Variants in CUBN observed in about 807,000 individuals in gnomAD.
CUBN encodes cubilin, also known as 460 kDa receptor.
CUBN carries 282 observed loss-of-function variants against 405.3 expected under a neutral mutation model. That is an observed-to-expected ratio of 0.70 (90% CI 0.63 to 0.77). The LOEUF (loss-of-function observed/expected upper bound fraction) is 0.77. Among genes scored for constraint, CUBN ranks in the 30% least tolerant of loss-of-function variants. The probability of loss-of-function intolerance (pLI) is 0.00; values close to 1 mark genes in which losing one functional copy is unlikely to be tolerated. For synonymous variants in CUBN, 1,684 were observed against 1,617.0 expected (o/e 1.04, Z -0.99); for missense variants, 4,514 against 4,475.2 (o/e 1.01, Z -0.25).
chr10:16,842,401 A>G (rs1839381740), intron 60 of CUBN, among the ~76,000 whole-genome samples: 1 of 152,178 alleles, frequency 6.6e-6, no homozygotes. Flanking sequence ...TCTAATAAAT[A>G]AATAAACAAG....
Position 17,084,291 on chromosome 10 carries a change from T to C in CUBN, c.2281A>G (p.Ser761Gly), listed in dbSNP as rs1348191282. The C allele has an allele frequency of 1.2e-6, 2 of 1,614,126 alleles. No homozygotes were observed. Among genetic ancestry groups the C allele is most frequent in the East Asian group, 2.2e-5 (1 of 44,890 alleles). The change falls in exon 17 of 67, where the codon AGT becomes GGT. Residue 761 changes from serine (S) to glycine (G), a missense_variant. By Grantham distance (56) the Ser-to-Gly change is moderately conservative. Around this residue, in one of 5 missense-constraint regions of CUBN, gnomAD observed 1,448 missense variants for 1,388.0 expected, o/e 1.04. Transcript: ENST00000377833. ...THVELQCQSD[S>G]SQNYIEVRDG... ...GTTACCTCAATGTAATTCTGAGAAC[T>C]GTCACTCTGGCATTGCAGCTCCACG... is the stretch of plus-strand genomic sequence containing the variant.
intron 31 of CUBN, among the ~76,000 whole-genome samples, chr10:16,967,916 AG>A (rs1843446384): frequency 2.0e-5 from 3 of 148,788 alleles, no homozygotes; most frequent in African/African-American, 7.5e-5. Context: ...AGGGGGAAAG[AG>A]GAAGAGAGGG....
intron 8 of CUBN, 86 bp downstream of exon 8, chr10:17,113,941 C>T: frequency 7.6e-7 from 1 of 1,323,644 alleles, no homozygotes; most frequent in Admixed American, 1.9e-5. Context: ...GAATTGTCTT[C>T]TTACTCATCA....
intron 28 of CUBN, among the ~76,000 whole-genome samples, chr10:16,996,962 C>T (rs1833751177): frequency 6.6e-6 from 1 of 152,208 alleles, no homozygotes; most frequent in Non-Finnish European, 1.5e-5. Flanking sequence ...AGCCAAGGCA[C>T]AGTGAAAGAG....
At chr10:17,073,723 C>T (rs1001128747) in intron 17 of CUBN, among the ~76,000 whole-genome samples, 7 of 152,052 alleles carry the variant, frequency 4.6e-5, no homozygotes, top group South Asian at 2.1e-4. Context: ...TGGGATTACA[C>T]GCGTGAGCCA....
chr10:16,903,908 GA>G (rs892318412), intron 51 of CUBN, 57 bp downstream of exon 51: 24 of 911,930 alleles, frequency 2.6e-5, no homozygotes, highest in South Asian at 2.1e-4. Context: ...AATCTTTATG[GA>G]AAAAAATCAT....
chr10:16,851,370 A>G lies in CUBN; in HGVS notation c.9528T>C (p.Asn3176=). The part of the protein sequence containing the change: ...NTFASPDSDS[N]GMYDKNLNCV... ...AGTTTAAATTCTTGTCATACATTCC[A>G]TTCGAATCAGAATCAGGAGAGGCAA... Residue 3176 remains asparagine (N), a synonymous_variant, in exon 60 of 67, where the codon AAT becomes AAC. Coordinates refer to ENST00000377833, the MANE Select transcript of CUBN (RefSeq NM_001081.4). 6.2e-7 allele frequency: 1 copy of G among 1,614,154 alleles called. No individual in the cohort carries two copies. The highest frequency in any genetic ancestry group is 8.5e-7 in the Non-Finnish European group (1 of 1,180,014).
At chr10:17,069,144 T>C (rs1279722340) in intron 19 of CUBN, among the ~76,000 whole-genome samples, 1 of 152,232 alleles carries the variant, frequency 6.6e-6, no homozygotes. Flanking sequence ...TTTTAATGCC[T>C]TGTAATATTC....
Position 16,952,322 on chromosome 10 carries a change from A to C in CUBN, c.4923T>G (p.Tyr1641Ter). 6.2e-7 allele frequency: 1 copy of C among 1,613,982 alleles called. No individual in the cohort carries two copies. The highest frequency in any genetic ancestry group is 1.1e-5 in the South Asian group (1 of 91,084). ...TCCAGCTGCAGTTCTGATTGTTTGG[A>C]TAATTGGCAGGGAACCGTGGAGAGG... ...TVSSPRFPANYPNNQNCSWII... is the reference protein window; with the variant it reads ...TVSSPRFPAN Residue 1641 changes from tyrosine (Y) to a stop codon, truncating the protein, a stop_gained, in exon 33 of 67, where the codon TAT becomes TAG. Coordinates refer to ENST00000377833, the MANE Select transcript of CUBN (RefSeq NM_001081.4). LOFTEE classifies it high-confidence loss of function.
At chr10:16,924,780 T>C (rs917418302) in intron 43 of CUBN, among the ~76,000 whole-genome samples, 8 of 152,136 alleles carry the variant, frequency 5.3e-5, no homozygotes, top group African/African-American at 1.4e-4. Context: ...TATCATGTAA[T>C]ATATAATTAA....
intron 16 of CUBN, 51 bp downstream of exon 16, chr10:17,085,546 T>C (rs1346218804): frequency 1.3e-6 from 2 of 1,516,064 alleles, no homozygotes; most frequent in East Asian, 2.3e-5. Context: ...GATGTAAGCA[T>C]AGCATTGGCC....
At chr10:17,069,329 T>C (rs371956128) in intron 19 of CUBN, among the ~76,000 whole-genome samples, 1 of 152,214 alleles carries the variant, frequency 6.6e-6, no homozygotes, top group Non-Finnish European at 1.5e-5. Flanking sequence ...TATATTTTCA[T>C]TCCCCTTGAG....
intron 51 of CUBN, among the ~76,000 whole-genome samples, chr10:16,902,784 C>T (rs1162059328): frequency 6.6e-6 from 1 of 152,100 alleles, no homozygotes; most frequent in Non-Finnish European, 1.5e-5. Context: ...AGAGTGAAGT[C>T]TGAGAGGGTA....
At chr10:17,078,178 CATATAGAAT>C (rs1262147005) in intron 17 of CUBN, among the ~76,000 whole-genome samples, 1 of 152,152 alleles carries the variant, frequency 6.6e-6, no homozygotes, top group Non-Finnish European at 1.5e-5. Context: ...TTTGTCCTTG[CATATAGAAT>C]ATAACCCAGG....
chr10:17,081,849 C>T (rs562676270), intron 17 of CUBN, among the ~76,000 whole-genome samples: 78 of 152,098 alleles, frequency 5.1e-4, no homozygotes, highest in Admixed American at 2.2e-3. Flanking sequence ...CTTGCTGATG[C>T]CAAAATTCTA....
At chr10:16,837,305 G>T (rs1337629033) in intron 62 of CUBN, among the ~76,000 whole-genome samples, 3 of 151,864 alleles carry the variant, frequency 2.0e-5, no homozygotes, top group African/African-American at 7.3e-5. Context: ...AAGGGTGGGG[G>T]GCCAGCCTCG....
At chr10:16,912,438 A>C (rs1296464816) in intron 48 of CUBN, among the ~76,000 whole-genome samples, 1 of 152,192 alleles carries the variant, frequency 6.6e-6, no homozygotes, top group Non-Finnish European at 1.5e-5. Flanking sequence ...CTCACATTCT[A>C]GTGGGGGAAG....
At chr10:17,124,369 T>C (rs1337478414) in intron 4 of CUBN, among the ~76,000 whole-genome samples, 1 of 152,254 alleles carries the variant, frequency 6.6e-6, no homozygotes, top group Non-Finnish European at 1.5e-5. Context: ...AGATTTTTAC[T>C]GCCTTTGGGT....
At chr10:16,942,779 A>AG in intron 36 of CUBN, among the ~76,000 whole-genome samples, 1 of 140,724 alleles carries the variant, frequency 7.1e-6, no homozygotes, top group Non-Finnish European at 1.5e-5. Context: ...GAAAGGGTAA[A>AG]GGAAAAAGGG....
Sources: allele counts gnomAD v4.1 joint callset (sites outside exome capture counted in the v4.1 genomes callset), GRCh38; gene constraint gnomAD v4.1.1; regional missense constraint gnomAD v4.1.1; transcripts MANE v1.5; gene names NCBI Gene and HGNC (gene_info 2026-07-23, HGNC 2026-07-21).